Variants in SH3TC2 observed in about 807,000 individuals in gnomAD.
SH3TC2 encodes SH3 domain and tetratricopeptide repeats 2.
SH3TC2 carries 87 observed loss-of-function variants against 124.5 expected under a neutral mutation model. The ratio of observed to expected loss-of-function variants is 0.70; its 90% CI spans 0.59 to 0.84. The LOEUF is 0.84. SH3TC2 is among the 40% of genes least tolerant of loss of function. SH3TC2 has a pLI of 0.00. For synonymous variants in SH3TC2, 634 were observed against 628.5 expected, an observed-to-expected ratio of 1.01 and a Z score of -0.13; for missense variants, 1,536 against 1,566.4, an observed-to-expected ratio of 0.98 and a Z score of 0.33.
Position 149,007,065 on chromosome 5 carries a change from T to A in SH3TC2, c.3491A>T (p.Gln1164Leu), listed in dbSNP as rs757864031. ...CAGGCGGTGAAAGGCCACCAGCTCT[T>A]GCCTCTGATCTCCTAAGAATTGGAA... is the stretch of plus-strand genomic sequence containing the variant. ...RLSTVTGDQRQELVAFHRLAT... is the reference protein window; with the variant it reads ...RLSTVTGDQRLELVAFHRLAT... The change falls in exon 16 of 17, where the codon CAA (glutamine) becomes CTA (leucine). Residue 1164 changes from glutamine to leucine, a missense_variant. Gln to Leu is a moderately radical substitution (Grantham distance 113, BLOSUM62 -2). This residue lies in a region of SH3TC2 where 426 missense variants were observed against 443.5 expected (regional missense o/e 0.96). Transcript: ENST00000515425. 8 of 1,614,210 alleles carry A rather than the reference T, an allele frequency of 5.0e-6. No individual in the cohort carries two copies. Among genetic ancestry groups the A allele is most frequent in the Non-Finnish European group, 6.8e-6 (8 of 1,180,026 alleles).
In SH3TC2 at chr5:148,996,224, C is replaced by A. The variant is rs1356809014; in HGVS notation, c.*8487G>T. Among the ~76,000 whole-genome samples the A allele has an allele frequency of 6.6e-6, 1 of 152,150 alleles. No individual in the cohort carries two copies. Among genetic ancestry groups the A allele is most frequent in the South Asian group, 2.1e-4 (1 of 4,818 alleles). ...GCAGTGAACCATGGCCACCCCACTGCACTCCAGCCTGGGCAACAGAGTGAG... is the reference window on the plus strand; with the variant it reads ...GCAGTGAACCATGGCCACCCCACTGAACTCCAGCCTGGGCAACAGAGTGAG... On this transcript the variant is annotated 3_prime_UTR_variant, in exon 17 of 17. Coordinates refer to ENST00000515425, the MANE Select transcript of SH3TC2 (RefSeq NM_024577.4).
chr5:149,008,847 C>T lies in SH3TC2; in HGVS notation c.3478+4G>A, dbSNP rs767101730. The T allele has an allele frequency of 2.5e-6, 4 of 1,613,912 alleles. No individual in the cohort carries two copies. In the African/African-American group the frequency reaches 4.0e-5, roughly 16 times the overall value. ...CAACACACCCAATAGTGAAGACCAC[C>T]CACCTGTGACTGTGCTGAGCCTGGC... On this transcript the variant is annotated splice_donor_region_variant and intron_variant, in intron 15 of 16. Coordinates refer to ENST00000515425, the MANE Select transcript of SH3TC2 (RefSeq NM_024577.4).
chr5:148,986,216 T>C lies in SH3TC2; in HGVS notation c.*18495A>G, dbSNP rs1366851738. Among the ~76,000 whole-genome samples the C allele has an allele frequency of 6.6e-6, 1 of 151,998 alleles. No homozygotes were observed. The highest frequency in any genetic ancestry group is 2.4e-5 in the African/African-American group (1 of 41,412). On this transcript the variant is annotated 3_prime_UTR_variant, in exon 17 of 17. Transcript: ENST00000515425. ...CTTCTTCATCTCTGCAGGGTTTTTGTAAGAACAAGAGAAAAAAAATGTATC... is the reference window on the plus strand; with the variant it reads ...CTTCTTCATCTCTGCAGGGTTTTTGCAAGAACAAGAGAAAAAAAATGTATC...
Position 148,992,814 on chromosome 5 carries a change from C to T in SH3TC2, c.*11897G>A, listed in dbSNP as rs991594939. Among the ~76,000 whole-genome samples the T allele has an allele frequency of 1.4e-4, 22 of 152,110 alleles. No homozygotes were observed. The highest frequency in any genetic ancestry group is 8.3e-4 in the South Asian group (4 of 4,826). ...ACACTGAGCTAACTCATCCCTGCAA[C>T]ATGCACCAAGAGTCTTCCAGGATTA... is the stretch of plus-strand genomic sequence containing the variant. On this transcript the variant is annotated 3_prime_UTR_variant, in exon 17 of 17. Transcript: ENST00000515425.
At chr5:149,026,481 G>A (rs992708179) in intron 12 of SH3TC2, 91 bp downstream of exon 12, 2 of 1,505,410 alleles carry the variant, frequency 1.3e-6, no homozygotes, top group Non-Finnish European at 1.8e-6. Context: ...CCTATACCAT[G>A]TACATTTGGA....
intron 1 of SH3TC2, among the ~76,000 whole-genome samples, chr5:149,057,917 T>C (rs942642841): frequency 1.3e-5 from 2 of 152,210 alleles, no homozygotes; most frequent in African/African-American, 4.8e-5. Context: ...TGATCAAAGT[T>C]AAGCCAATGA....
rs912506879 is a variant in SH3TC2, at chr5:148,990,801, T to C, written c.*13910A>G. On this transcript the variant is annotated 3_prime_UTR_variant, in exon 17 of 17. Transcript: ENST00000515425. ...GATACAAAATATAATAGCAATTATA[T>C]ATTAAATATTTGCAATAAGCAAGGC... Among the ~76,000 whole-genome samples the C allele has an allele frequency of 6.6e-6, 1 of 152,218 alleles. No individual in the cohort carries two copies. The highest frequency in any genetic ancestry group is 2.4e-5 in the African/African-American group (1 of 41,444).
At chr5:149,021,634 T>C (rs1013049172) in intron 12 of SH3TC2, among the ~76,000 whole-genome samples, 11 of 151,874 alleles carry the variant, frequency 7.2e-5, no homozygotes, top group African/African-American at 2.7e-4. Flanking sequence ...TATGAACAAT[T>C]GTATACCAAC....
intron 16 of SH3TC2, among the ~76,000 whole-genome samples, chr5:149,006,672 TG>T (rs1753693957): frequency 6.6e-6 from 1 of 152,106 alleles, no homozygotes; most frequent in Admixed American, 6.5e-5. Context: ...TCAGCGAAGA[TG>T]GGAGCACCTT....
At chr5:149,060,943 G>A (rs533079591) in intron 1 of SH3TC2, among the ~76,000 whole-genome samples, 14 of 152,268 alleles carry the variant, frequency 9.2e-5, no homozygotes, top group Admixed American at 2.6e-4. Context: ...CTCATACTTT[G>A]TTCCTTTTCT....
chr5:149,042,592 T>C (rs1754390060), intron 5 of SH3TC2, 102 bp downstream of exon 5: 2 of 1,435,614 alleles, frequency 1.4e-6, no homozygotes, highest in South Asian at 1.1e-5. Context: ...GAATATTCCA[T>C]GTTTGAATGA....
intron 12 of SH3TC2, among the ~76,000 whole-genome samples, chr5:149,023,459 C>T (rs1014113589): frequency 1.5e-4 from 23 of 151,738 alleles, no homozygotes; most frequent in African/African-American, 5.6e-4. Flanking sequence ...CTTTAAAATG[C>T]ATGAAATATT....
intron 12 of SH3TC2, 108 bp downstream of exon 12, chr5:149,026,464 A>G: frequency 7.2e-7 from 1 of 1,380,730 alleles, no homozygotes; most frequent in Non-Finnish European, 1.0e-6. Flanking sequence ...TTTTGCACAA[A>G]GCCCCGCCTA....
In SH3TC2 at chr5:148,990,520, A is replaced by G. The variant is rs2127388034; in HGVS notation, c.*14191T>C. Among the ~76,000 whole-genome samples the G allele has an allele frequency of 6.6e-6, 1 of 152,326 alleles. No homozygotes were observed. The highest frequency in any genetic ancestry group is 1.5e-5 in the Non-Finnish European group (1 of 68,026). ...TCAGAGCAGCTTGGTGGCGAACAGC[A>G]TGGGCCCTTGGACCAGATCAATTGA... On this transcript the variant is annotated 3_prime_UTR_variant, in exon 17 of 17. Transcript: ENST00000515425.
Position 149,006,862 on chromosome 5 carries a change from T to C in SH3TC2, c.3675+19A>G, listed in dbSNP as rs765526896. ...GTTGGGTGGTGGCTGTCAGGAAATC[T>C]GGGAAGTCTGGCTCTTACCTTCAGC... On this transcript the variant is annotated intron_variant, in intron 16 of 16. Transcript: ENST00000515425. 6.2e-7 allele frequency: 1 copy of C among 1,611,930 alleles called. No individual in the cohort carries two copies. The highest frequency in any genetic ancestry group is 8.5e-7 in the Non-Finnish European group (1 of 1,179,236).
rs1043676070 is a variant in SH3TC2, at chr5:148,999,591, T to C, written c.*5120A>G. Among the ~76,000 whole-genome samples, 2 of 152,192 alleles carry C rather than the reference T, an allele frequency of 1.3e-5. No homozygotes were observed. The highest frequency in any genetic ancestry group is 2.9e-5 in the Non-Finnish European group (2 of 68,028). On this transcript the variant is annotated 3_prime_UTR_variant, in exon 17 of 17. Coordinates refer to ENST00000515425, the MANE Select transcript of SH3TC2 (RefSeq NM_024577.4). ...AAACAAGGAAAGGCAGAAACCGTCA[T>C]AGACCAGAGATGCATAGGGAAATAT...
intron 16 of SH3TC2, among the ~76,000 whole-genome samples, chr5:149,005,392 T>C (rs1372217853): frequency 6.6e-6 from 1 of 152,134 alleles, no homozygotes; most frequent in Admixed American, 6.5e-5. Flanking sequence ...GGTGGGGAAA[T>C]CCCTGATGAT....
chr5:149,008,151 C>A (rs1753722996), intron 15 of SH3TC2: 2 of 154,408 alleles, frequency 1.3e-5, no homozygotes, highest in African/African-American at 2.4e-5. Flanking sequence ...CCAGAAGACC[C>A]TCCTGGAATC....
intron 1 of SH3TC2, among the ~76,000 whole-genome samples, chr5:149,058,123 T>C (rs1202320828): frequency 6.6e-6 from 1 of 152,224 alleles, no homozygotes; most frequent in Non-Finnish European, 1.5e-5. Flanking sequence ...GATTTAGCAA[T>C]ATCTGAAGAA....
Sources: gnomAD v4.1 joint callset for allele counts (sites outside exome capture counted in the v4.1 genomes callset) on GRCh38, gnomAD v4.1.1 for gene constraint, gnomAD v4.1.1 regional missense constraint, MANE v1.5 for transcripts, NCBI Gene and HGNC (gene_info 2026-07-23, HGNC 2026-07-21) for gene names.